The following PARD3 variants were observed in gnomAD, a reference collection of about 807,000 sequenced individuals.
PARD3 encodes the protein partitioning defective 3 homolog.
Under a neutral mutation model 155.4 loss-of-function variants are expected in PARD3, and 75 were observed. That is an observed-to-expected ratio of 0.48 (90% confidence interval 0.40 to 0.58). The LOEUF (loss-of-function observed/expected upper bound fraction) is 0.58, where lower values mean the gene tolerates loss of function less well. Ranked by LOEUF, PARD3 falls within the 20% of genes least tolerant of loss-of-function variation. PARD3 has a pLI of 0.00. For missense variants in PARD3, 1,642 were observed against 1,721.7 expected (o/e 0.95, Z 0.82); for synonymous variants, 576 against 610.5 (o/e 0.94, Z 0.83).
At chr10:34,747,708 A>C (rs1405031106) in intron 1 of PARD3, among the ~76,000 whole-genome samples, 1 of 152,194 alleles carries the variant, frequency 6.6e-6, no homozygotes, top group East Asian at 1.9e-4. Context: ...TCATCTAATC[A>C]AAGCTTCCAT....
intron 4 of PARD3, among the ~76,000 whole-genome samples, chr10:34,463,268 G>T: frequency 7.7e-6 from 1 of 129,586 alleles, no homozygotes; most frequent in Non-Finnish European, 1.7e-5. Flanking sequence ...GAAGGGGAAG[G>T]GGGAAGAGGA....
chr10:34,140,370 C>G (rs575493724), intron 22 of PARD3, among the ~76,000 whole-genome samples: 169 of 152,290 alleles, frequency 1.1e-3, no homozygotes, highest in Middle Eastern at 3.4e-3. Flanking sequence ...CCTGTGAAAG[C>G]GTTTGCACGT....
chr10:34,285,618 C>T (rs559949533), intron 20 of PARD3, among the ~76,000 whole-genome samples: 2 of 151,524 alleles, frequency 1.3e-5, no homozygotes, highest in South Asian at 2.1e-4. Flanking sequence ...AGAAAAGGGT[C>T]CCAAAGTTGA....
chr10:34,395,715 T>C (rs1274889745), intron 7 of PARD3, among the ~76,000 whole-genome samples: 1 of 79,984 alleles, frequency 1.3e-5, no homozygotes, highest in Non-Finnish European at 2.1e-5. Context: ...CGGGCGCCTG[T>C]AGTCCCAGCT....
rs1048230355 is a variant in PARD3 at position 34,309,016 on chromosome 10, C to T, written c.3065+8091G>A. On this transcript the variant is annotated intron_variant, in intron 20 of 24. Coordinates refer to ENST00000374788, the MANE Select transcript of PARD3 (RefSeq NM_001184785.2). ...CACGATGAGGGATGAAAATGGACCC[C>T]GACTTCCCAAGGAAGAGGAACTGGT... Among the ~76,000 whole-genome samples, 71 of 152,058 alleles carry T rather than the reference C, an allele frequency of 4.7e-4. 2 individuals are homozygous for T. Among genetic ancestry groups the T allele is most frequent in the Non-Finnish European group, 4.3e-4 (29 of 68,016 alleles).
chr10:34,565,126 G>T (rs908609090), intron 2 of PARD3, among the ~76,000 whole-genome samples: 2 of 150,922 alleles, frequency 1.3e-5, no homozygotes, highest in Non-Finnish European at 2.9e-5. Flanking sequence ...GATATTAATT[G>T]CTGGCCAGAA....
intron 1 of PARD3, among the ~76,000 whole-genome samples, chr10:34,741,002 A>T (rs2095000276): frequency 6.6e-6 from 1 of 152,128 alleles, no homozygotes; most frequent in African/African-American, 2.4e-5. Flanking sequence ...TGTTTACATA[A>T]GACTTTTTCC....
intron 5 of PARD3, among the ~76,000 whole-genome samples, chr10:34,423,432 T>A (rs2075423669): frequency 6.6e-6 from 1 of 152,168 alleles, no homozygotes; most frequent in African/African-American, 2.4e-5. Context: ...ATATACTGTA[T>A]ACTTGAAAAC....
chr10:34,514,439 T>C (rs925916320), intron 3 of PARD3, among the ~76,000 whole-genome samples: 2 of 152,184 alleles, frequency 1.3e-5, no homozygotes, highest in African/African-American at 2.4e-5. Flanking sequence ...GACAAATTCA[T>C]CTTCTATGTC....
At chr10:34,533,288 G>A (rs2082983160) in intron 2 of PARD3, among the ~76,000 whole-genome samples, 1 of 151,862 alleles carries the variant, frequency 6.6e-6, no homozygotes. Flanking sequence ...AGGGAGGAAG[G>A]GAAAAGGACA....
At chr10:34,448,113 A>C (rs2076850603) in intron 5 of PARD3, among the ~76,000 whole-genome samples, 1 of 150,606 alleles carries the variant, frequency 6.6e-6, no homozygotes, top group African/African-American at 2.5e-5. Context: ...TGAATGGATA[A>C]AGAAAATGTG....
chr10:34,802,102 T>C (rs1353554042), intron 1 of PARD3, among the ~76,000 whole-genome samples: 1 of 152,180 alleles, frequency 6.6e-6, no homozygotes, highest in African/African-American at 2.4e-5. Context: ...AGTAGCAGTG[T>C]TGCGGCTGCA....
At chr10:34,267,121 ATT>A (rs11365497) in intron 22 of PARD3, among the ~76,000 whole-genome samples, 66 of 149,912 alleles carry the variant, frequency 4.4e-4, no homozygotes, top group African/African-American at 1.1e-3. Context: ...ATGTCAACTA[ATT>A]TTTTTTTTTT....
chr10:34,489,573 T>C lies in PARD3; in HGVS notation c.404-19310A>G, dbSNP rs112609086. On this transcript the variant is annotated intron_variant, in intron 3 of 24. Coordinates refer to ENST00000374788, the MANE Select transcript of PARD3 (RefSeq NM_001184785.2). ...AATAAAGCCATTTGGCACCAACTGG[T>C]TGCTCCAAGGCAGCAATAAGACTTC... Among the ~76,000 whole-genome samples, 369 of 152,322 alleles carry C rather than the reference T, an allele frequency of 2.4e-3. 3 individuals carry two copies. The highest frequency in any genetic ancestry group is 8.2e-3 in the African/African-American group (340 of 41,564).
chr10:34,429,263 A>G (rs757818064), intron 5 of PARD3, among the ~76,000 whole-genome samples: 1 of 152,068 alleles, frequency 6.6e-6, no homozygotes, highest in Admixed American at 6.5e-5. Context: ...ATTTCATTGT[A>G]TATATATATT....
intron 5 of PARD3, among the ~76,000 whole-genome samples, chr10:34,441,071 C>T (rs1736188469): frequency 6.6e-6 from 1 of 152,010 alleles, no homozygotes; most frequent in Non-Finnish European, 1.5e-5. Flanking sequence ...TGAGAAGATG[C>T]CACGGAAGCA....
chr10:34,804,661 T>C (rs1211567952), intron 1 of PARD3, among the ~76,000 whole-genome samples: 1 of 152,212 alleles, frequency 6.6e-6, no homozygotes, highest in East Asian at 1.9e-4. Flanking sequence ...ATACGTTTCC[T>C]GGAAGAGTTT....
chr10:34,296,699 T>C (rs1956927945), intron 20 of PARD3, among the ~76,000 whole-genome samples: 1 of 152,222 alleles, frequency 6.6e-6, no homozygotes, highest in African/African-American at 2.4e-5. Context: ...TAACAATCAG[T>C]ACATGCTGAT....
intron 7 of PARD3, among the ~76,000 whole-genome samples, chr10:34,398,029 T>TA (rs1554847912): frequency 1.3e-5 from 2 of 152,148 alleles, no homozygotes; most frequent in South Asian, 2.1e-4. Context: ...TCTCTAAAGT[T>TA]AAAAAAAGAA....
Sources: gnomAD v4.1 joint callset for allele counts (sites outside exome capture counted in the v4.1 genomes callset) on GRCh38, gnomAD v4.1.1 for gene constraint, MANE v1.5 for transcripts, NCBI Gene and HGNC (gene_info 2026-07-23, HGNC 2026-07-21) for gene names.